DPP6: variants seen among roughly 807,000 people sequenced by gnomAD.
The protein encoded by DPP6 is A-type potassium channel modulatory protein DPP6.
Under a neutral mutation model 122.6 loss-of-function variants are expected in DPP6, and 69 were observed. The observed-to-expected ratio is 0.56, with a 90% CI of 0.46 to 0.69. DPP6 has a LOEUF of 0.69. Among genes scored for constraint, DPP6 ranks in the 30% least tolerant of loss-of-function variants. DPP6 has a pLI of 0.00. For synonymous variants in DPP6, 418 were observed against 433.1 expected (o/e 0.97, Z 0.43); for missense variants, 928 against 1,116.9 (o/e 0.83, Z 2.41).
the DPP6 span, among the ~76,000 whole-genome samples, chr7:153,792,733 A>T: frequency 6.6e-6 from 1 of 150,726 alleles, no homozygotes; most frequent in African/African-American, 2.4e-5. Flanking sequence ...AAAAGCACTG[A>T]TATTGTCTGG....
intron 5 of DPP6, among the ~76,000 whole-genome samples, chr7:154,592,782 A>G (rs376966014): frequency 2.4e-4 from 37 of 152,260 alleles, no homozygotes; most frequent in Middle Eastern, 3.4e-3. Flanking sequence ...ATGTTTGAAC[A>G]TGTCATCCGG....
At chr7:154,436,171 G>T (rs1002213565) in intron 1 of DPP6, among the ~76,000 whole-genome samples, 1 of 151,330 alleles carries the variant, frequency 6.6e-6, no homozygotes, top group Admixed American at 6.6e-5. Context: ...GGCAAGACCA[G>T]TGGCACGGTC....
chr7:154,307,165 G>T (rs964648294), intron 1 of DPP6, among the ~76,000 whole-genome samples: 1 of 152,152 alleles, frequency 6.6e-6, no homozygotes, highest in Non-Finnish European at 1.5e-5. Flanking sequence ...CTTGTTTCCT[G>T]TACAAATTTG....
intron 1 of DPP6, among the ~76,000 whole-genome samples, chr7:154,075,361 G>A (rs968066110): frequency 2.0e-5 from 3 of 151,802 alleles, no homozygotes; most frequent in East Asian, 1.9e-4. Flanking sequence ...TTGCACGCAC[G>A]CCTATAGCAG....
intron 7 of DPP6, 21 bp from the exon 8 acceptor site, chr7:154,727,746 T>C: frequency 6.3e-7 from 1 of 1,594,322 alleles, no homozygotes; most frequent in Non-Finnish European, 8.6e-7. Context: ...AATATTATGC[T>C]TTTTTCTCTT....
At chr7:154,015,310 A>G (rs933059003) in intron 1 of DPP6, among the ~76,000 whole-genome samples, 1 of 152,010 alleles carries the variant, frequency 6.6e-6, no homozygotes, top group Admixed American at 6.6e-5. Context: ...ACCTCTCAGC[A>G]TTGAAGTCTT....
chr7:154,632,237 G>T (rs1226763995), intron 5 of DPP6, among the ~76,000 whole-genome samples: 1 of 152,198 alleles, frequency 6.6e-6, no homozygotes, highest in Non-Finnish European at 1.5e-5. Context: ...GAAACCTTTA[G>T]GCTGAACTTA....
At chr7:154,858,145 C>T in intron 17 of DPP6, 1 of 152,254 alleles carries the variant, frequency 6.6e-6, no homozygotes, top group Non-Finnish European at 1.5e-5. Context: ...TGGCCCCAAC[C>T]AGCATTTATC....
intron 1 of DPP6, among the ~76,000 whole-genome samples, chr7:154,408,608 C>T (rs1384979326): frequency 6.6e-6 from 1 of 152,176 alleles, no homozygotes; most frequent in East Asian, 1.9e-4. Flanking sequence ...GGCATTGATA[C>T]ACGGCTATTA....
chr7:154,451,361 C>CAAAAAA lies in DPP6; in HGVS notation c.358+5047_358+5052dup, dbSNP rs397890050. Among the ~76,000 whole-genome samples, 110 of 122,112 alleles carry CAAAAAA rather than the reference C, an allele frequency of 9.0e-4. 3 individuals are homozygous for CAAAAAA. In the East Asian group the frequency reaches 0.016, roughly 18 times the overall value. 80.1% of individuals were successfully genotyped at this position (122,112 alleles called of 152,430 possible). A position where few individuals can be genotyped will look rare whatever the true frequency, so the allele number is the denominator to read the frequency against. On this transcript the variant is annotated intron_variant, in intron 2 of 25. Transcript: ENST00000377770. ...GCAACAGAGCAAGAGCCTGTCTCACCAAAAAAAAAAAAAAAAAAAGTGGAA... is the reference window on the plus strand; with the variant it reads ...GCAACAGAGCAAGAGCCTGTCTCACCAAAAAAAAAAAAAAAAAAAAAAAAAGTGGAA...
chr7:154,828,026 G>A (rs1800316636), intron 16 of DPP6, among the ~76,000 whole-genome samples: 1 of 152,188 alleles, frequency 6.6e-6, no homozygotes, highest in South Asian at 2.1e-4. Flanking sequence ...GTGAGTCCCT[G>A]TCTTTCTAAA....
intron 1 of DPP6, among the ~76,000 whole-genome samples, chr7:153,943,635 C>A (rs2129017608): frequency 6.6e-6 from 1 of 152,228 alleles, no homozygotes; most frequent in East Asian, 1.9e-4. Flanking sequence ...GTTGCAAACA[C>A]CCCCAGGAAG....
In DPP6 at chr7:154,072,188, G is replaced by T. The variant is rs548308491; in HGVS notation, c.243+19125G>T. On this transcript the variant is annotated intron_variant, in intron 1 of 25. Coordinates refer to ENST00000377770, the MANE Select transcript of DPP6 (RefSeq NM_130797.4). ...TTATTACATAAGGGAAAACTGGCAA[G>T]ATGGAAGAGCTTATATCCGCTTGCA... Among the ~76,000 whole-genome samples the T allele has an allele frequency of 4.6e-5, 7 of 152,390 alleles. No homozygotes were observed. The East Asian group carries it at 1.2e-3, about 25-fold the overall frequency.
chr7:154,724,177 A>G lies in DPP6; in HGVS notation c.763-3590A>G, dbSNP rs563981652. Among the ~76,000 whole-genome samples, 65 of 152,238 alleles carry G rather than the reference A, an allele frequency of 4.3e-4. 1 individual carries two copies. The highest frequency in any genetic ancestry group is 1.5e-3 in the African/African-American group (62 of 41,534). Reference sequence around the variant, plus strand: ...GCATTAGGTTTTTCAAAAGCTCCCCAGGCCATGTAATATGTATCAAAATCT... The same window carrying G: ...GCATTAGGTTTTTCAAAAGCTCCCCGGGCCATGTAATATGTATCAAAATCT... On this transcript the variant is annotated intron_variant, in intron 7 of 25. Coordinates refer to ENST00000377770, the MANE Select transcript of DPP6 (RefSeq NM_130797.4).
intron 1 of DPP6, among the ~76,000 whole-genome samples, chr7:154,001,142 T>C (rs1797670855): frequency 6.6e-6 from 1 of 151,662 alleles, no homozygotes; most frequent in South Asian, 2.1e-4. Context: ...TAGGGTCGGA[T>C]GTCCCATAGA....
intron 16 of DPP6, among the ~76,000 whole-genome samples, chr7:154,816,076 G>A (rs566744306): frequency 2.6e-5 from 4 of 152,270 alleles, no homozygotes; most frequent in Non-Finnish European, 4.4e-5. Context: ...GTAGAGCTGG[G>A]TTCAAACCTG....
chr7:154,339,060 AT>A (rs1298849740), intron 1 of DPP6, among the ~76,000 whole-genome samples: 3 of 152,130 alleles, frequency 2.0e-5, no homozygotes, highest in Non-Finnish European at 4.4e-5. Context: ...AGGCCAGATT[AT>A]TTGTTTCCTC....
chr7:154,826,328 T>C (rs562731371), intron 16 of DPP6, among the ~76,000 whole-genome samples: 9 of 152,370 alleles, frequency 5.9e-5, no homozygotes, highest in African/African-American at 1.9e-4. Flanking sequence ...GTGTATATTC[T>C]TGGTCAATAT....
rs577012460 is a variant in DPP6, at chr7:154,426,895, G to A, written c.244-19319G>A. Among the ~76,000 whole-genome samples, 15 of 149,160 alleles carry A rather than the reference G, an allele frequency of 1.0e-4. No individual in the cohort carries two copies. In the South Asian group the frequency reaches 2.1e-3, roughly 21 times the overall value. On this transcript the variant is annotated intron_variant, in intron 1 of 25. Transcript: ENST00000377770. Reference sequence around the variant, plus strand: ...ACACAAAATTCCAAGAGAATTATTTGTTTCCTACCCTAGGAGTCAAAAGTG... The same window carrying A: ...ACACAAAATTCCAAGAGAATTATTTATTTCCTACCCTAGGAGTCAAAAGTG...
Sources: allele counts gnomAD v4.1 joint callset (sites outside exome capture counted in the v4.1 genomes callset), GRCh38; gene constraint gnomAD v4.1.1; transcripts MANE v1.5; gene names NCBI Gene and HGNC (gene_info 2026-07-23, HGNC 2026-07-21).